HMCN1: variants seen among roughly 807,000 people sequenced by gnomAD.
HMCN1 encodes hemicentin-1.
A neutral mutation model predicts 625.9 loss-of-function variants in HMCN1; 321 were observed. That is an observed-to-expected ratio of 0.51 (90% CI 0.47 to 0.56). HMCN1 has a LOEUF of 0.56. Among genes scored for constraint, HMCN1 ranks in the 20% least tolerant of loss-of-function variants. The pLI is 0.00. For synonymous variants in HMCN1, 2,425 were observed against 2,417.6 expected (o/e 1.00, Z -0.09); for missense variants, 6,588 against 6,887.3 (o/e 0.96, Z 1.54).
At chr1:185,987,351 A>G (rs753231663) in intron 19 of HMCN1, 81 bp from the exon 20 acceptor site, 10 of 853,662 alleles carry the variant, frequency 1.2e-5, no homozygotes, top group Non-Finnish European at 2.0e-5. Flanking sequence ...TTGATGTTGT[A>G]ATGAAAATGT....
chr1:186,163,203 C>T (rs894956742), intron 97 of HMCN1, among the ~76,000 whole-genome samples: 8 of 152,348 alleles, frequency 5.3e-5, no homozygotes, highest in Non-Finnish European at 1.0e-4. Context: ...GCATAGGACC[C>T]TCTGAGCCAG....
chr1:185,803,205 C>CAAAAAAAAAAAAAAAAAAAAAAAAAA, intron 1 of HMCN1, among the ~76,000 whole-genome samples: 24 of 58,752 alleles, frequency 4.1e-4, no homozygotes, highest in East Asian at 1.3e-3. Context: ...AAAAAAAAAG[C>CAAAAAAAAAAAAAAAAAAAAAAAAAA]AAAAAAAAAA....
In HMCN1 at chr1:185,935,885, G is replaced by A. The variant is rs576775821; in HGVS notation, c.1828+2061G>A. Among the ~76,000 whole-genome samples the A allele has an allele frequency of 1.7e-4, 26 of 152,214 alleles. No individual in the cohort carries two copies. The South Asian group carries it at 5.2e-3, about 30-fold the overall frequency. On this transcript the variant is annotated intron_variant, in intron 11 of 106. Coordinates refer to ENST00000271588, the MANE Select transcript of HMCN1 (RefSeq NM_031935.3). ...ATGAAGTAAACTGCCATACCTAGAGGTAAAGTTTATGATAATATGAGAAAT... is the reference window on the plus strand; with the variant it reads ...ATGAAGTAAACTGCCATACCTAGAGATAAAGTTTATGATAATATGAGAAAT...
At chr1:185,831,974 A>T (rs1161867700) in intron 1 of HMCN1, among the ~76,000 whole-genome samples, 2 of 152,184 alleles carry the variant, frequency 1.3e-5, no homozygotes, top group Admixed American at 6.5e-5. Flanking sequence ...TACAGGCAGG[A>T]TATTTTTGGA....
chr1:186,013,127 G>A (rs745946758), intron 30 of HMCN1, among the ~76,000 whole-genome samples: 8 of 152,050 alleles, frequency 5.3e-5, no homozygotes, highest in South Asian at 4.1e-4. Context: ...TGAGAATACC[G>A]TATTTGGTTT....
intron 68 of HMCN1, 61 bp from the exon 69 acceptor site, chr1:186,103,407 TTTTC>T: frequency 7.2e-7 from 1 of 1,383,036 alleles, no homozygotes; most frequent in Non-Finnish European, 1.0e-6. Flanking sequence ...ATTTTCAAGT[TTTTC>T]TAACGAGCAA....
chr1:186,065,675 A>G (rs1232750262), intron 49 of HMCN1, among the ~76,000 whole-genome samples: 1 of 152,184 alleles, frequency 6.6e-6, no homozygotes, highest in African/African-American at 2.4e-5. Flanking sequence ...AAGATAGACT[A>G]ATCAGTAGTA....
At chr1:185,916,359 G>T (rs1189458842) in intron 6 of HMCN1, among the ~76,000 whole-genome samples, 1 of 151,980 alleles carries the variant, frequency 6.6e-6, no homozygotes, top group African/African-American at 2.4e-5. Context: ...TTTGTTCATG[G>T]AGAAATTACT....
chr1:186,065,478 G>T, intron 49 of HMCN1, 49 bp downstream of exon 49: 2 of 1,389,436 alleles, frequency 1.4e-6, no homozygotes, highest in South Asian at 1.5e-5. Flanking sequence ...CATGACTGTA[G>T]GCTAAATTTT....
rs370095269 is a variant in HMCN1, at chr1:186,119,213, C to G, written c.11871C>G (p.Thr3957=). 351 of 1,613,336 alleles carry G rather than the reference C, an allele frequency of 2.2e-4. No individual in the cohort carries two copies. Among genetic ancestry groups the G allele is most frequent in the Non-Finnish European group, 2.8e-4 (327 of 1,179,620 alleles). ...LSSGAIEILA[T]QLNHAGRYTC... is the part of the protein sequence containing the mutation. Reference sequence around the variant, plus strand: ...TAGGAGCAATTGAAATACTTGCCACCCAATTAAACCATGCTGGAAGATACA... The same window carrying G: ...TAGGAGCAATTGAAATACTTGCCACGCAATTAAACCATGCTGGAAGATACA... Residue 3957 remains threonine, a synonymous_variant, in exon 78 of 107, where the codon ACC becomes ACG. Coordinates refer to ENST00000271588, the MANE Select transcript of HMCN1 (RefSeq NM_031935.3).
At chr1:185,931,676 C>T (rs1466759822) in intron 10 of HMCN1, among the ~76,000 whole-genome samples, 1 of 152,076 alleles carries the variant, frequency 6.6e-6, no homozygotes, top group Non-Finnish European at 1.5e-5. Flanking sequence ...AACTGTGCTA[C>T]AGCTGCAGTA....
intron 11 of HMCN1, 149 bp downstream of exon 11, chr1:185,933,973 G>A: frequency 2.7e-6 from 2 of 747,102 alleles, no homozygotes; most frequent in East Asian, 2.5e-5. Context: ...ATACTCAGTG[G>A]TCTACAGCCA....
chr1:186,149,657 C>G (rs1428221717), intron 93 of HMCN1, among the ~76,000 whole-genome samples: 1 of 152,198 alleles, frequency 6.6e-6, no homozygotes, highest in African/African-American at 2.4e-5. Flanking sequence ...AGAGGCCTAG[C>G]TTTTGGCCTA....
At chr1:185,755,615 T>G (rs1220256776) in intron 1 of HMCN1, among the ~76,000 whole-genome samples, 1 of 152,268 alleles carries the variant, frequency 6.6e-6, no homozygotes, top group East Asian at 1.9e-4. Flanking sequence ...AGAAAAAGTC[T>G]CAAGTATCAC....
intron 11 of HMCN1, among the ~76,000 whole-genome samples, chr1:185,942,108 T>G (rs1434619956): frequency 1.3e-5 from 2 of 150,808 alleles, no homozygotes; most frequent in African/African-American, 4.9e-5. Context: ...GGAGAATCAC[T>G]TACACCCGGG....
In HMCN1 at chr1:186,018,312, T is replaced by C. The variant is rs556725921; in HGVS notation, c.5430T>C (p.Thr1810=). Residue 1810 remains threonine, a synonymous_variant, in exon 34 of 107, where the codon ACT becomes ACC. Coordinates refer to ENST00000271588, the MANE Select transcript of HMCN1 (RefSeq NM_031935.3). ...TTTATCGGTGCATGGCAGCAAATACTGCTGGAGACCACAAGAAGGAATTTG... is the reference window on the plus strand; with the variant it reads ...TTTATCGGTGCATGGCAGCAAATACCGCTGGAGACCACAAGAAGGAATTTG... ...TGLYRCMAAN[T]AGDHKKEFEV... is the part of the protein sequence containing the mutation. 1 of 1,612,954 alleles carries C rather than the reference T, an allele frequency of 6.2e-7. No homozygotes were observed. The highest frequency in any genetic ancestry group is 2.2e-5 in the East Asian group (1 of 44,850).
chr1:186,051,103 G>T (rs139498154), intron 42 of HMCN1, among the ~76,000 whole-genome samples: 102 of 152,110 alleles, frequency 6.7e-4, no homozygotes, highest in Non-Finnish European at 1.1e-3. Flanking sequence ...TGCAAGGAGA[G>T]AGAGGAGATG....
Position 186,000,139 on chromosome 1 carries a change from G to C in HMCN1, c.3969G>C (p.Leu1323=). Residue 1323 remains leucine, a synonymous_variant, in exon 26 of 107, where the codon CTG becomes CTC. Transcript: ENST00000271588. ...CTATCTTGGAAGATGGCACATTGCT[G>C]GTTATTGCTTCTGTTACACCCTATG... ...GISILEDGTL[L]VIASVTPYDN... 6.2e-7 allele frequency: 1 copy of C among 1,613,096 alleles called. No individual in the cohort carries two copies. Among genetic ancestry groups the C allele is most frequent in the Non-Finnish European group, 8.5e-7 (1 of 1,179,320 alleles).
Position 185,734,895 on chromosome 1 carries a change from C to T in HMCN1, c.116C>T (p.Ala39Val). The T allele has an allele frequency of 6.2e-7, 1 of 1,614,150 alleles. No homozygotes were observed. The highest frequency in any genetic ancestry group is 8.5e-7 in the Non-Finnish European group (1 of 1,179,996). Reference protein sequence around the residue: ...EIRAEEIPEGASTLAFVFDVT... With the variant: ...EIRAEEIPEGVSTLAFVFDVT... ...AGAGCTGAGGAAATTCCCGAGGGGG[C>T]CTCCACGTTGGCTTTTGTGTTTGAT... Residue 39 changes from alanine to valine, a missense_variant, in exon 1 of 107, where the codon GCC becomes GTC. By Grantham distance (64) the Ala-to-Val change is moderately conservative (BLOSUM62 0). Coordinates refer to ENST00000271588, the MANE Select transcript of HMCN1 (RefSeq NM_031935.3).
Sources: gnomAD v4.1 joint callset for allele counts (sites outside exome capture counted in the v4.1 genomes callset) on GRCh38, gnomAD v4.1.1 for gene constraint, MANE v1.5 for transcripts, NCBI Gene and HGNC (gene_info 2026-07-23, HGNC 2026-07-21) for gene names.